The following PRDM16 variants were observed in gnomAD, a reference collection of about 807,000 sequenced individuals.
PRDM16 encodes PR/SET domain 16.
A neutral mutation model predicts 110.6 loss-of-function variants in PRDM16; 23 were observed. The observed-to-expected ratio is 0.21, with a 90% CI of 0.15 to 0.29. The LOEUF (loss-of-function observed/expected upper bound fraction) is 0.29, where lower values mean the gene tolerates loss of function less well. Ranked by LOEUF, PRDM16 falls within the 10% of genes least tolerant of loss-of-function variation. PRDM16 has a pLI of 1.00. For synonymous variants in PRDM16, 799 were observed against 781.8 expected (o/e 1.02, Z -0.37); for missense variants, 1,615 against 1,794.3 (o/e 0.90, Z 1.81).
chr1:3,278,000 C>T lies in PRDM16; in HGVS notation c.438+33863C>T, dbSNP rs74920324. On this transcript the variant is annotated intron_variant, in intron 3 of 16. Coordinates refer to ENST00000270722, the MANE Select transcript of PRDM16 (RefSeq NM_022114.4). ...CGATCATTGCTAGCAGGCCATGGGA[C>T]CCTCTCATCTGAAAAGGAGGGAGGG... Among the ~76,000 whole-genome samples the T allele has an allele frequency of 9.0e-3, 1,368 of 152,318 alleles. 22 individuals carry two copies. The highest frequency in any genetic ancestry group is 0.031 in the African/African-American group (1,297 of 41,582).
intron 4 of PRDM16, among the ~76,000 whole-genome samples, chr1:3,392,185 T>C (rs1203653690): frequency 6.6e-6 from 1 of 152,226 alleles, no homozygotes; most frequent in African/African-American, 2.4e-5. Context: ...TTTCAAAGAA[T>C]TCCGATTCCA....
chr1:3,178,510 C>T (rs187758921), intron 1 of PRDM16, among the ~76,000 whole-genome samples: 7 of 152,304 alleles, frequency 4.6e-5, no homozygotes, highest in Admixed American at 2.0e-4. Context: ...TGGAGGCTGC[C>T]GCTTGCTTTT....
chr1:3,392,020 G>C (rs879442729), intron 4 of PRDM16, among the ~76,000 whole-genome samples: 4 of 152,250 alleles, frequency 2.6e-5, no homozygotes, highest in Non-Finnish European at 5.9e-5. Flanking sequence ...GAGACAGCAA[G>C]GAGTTAAAAT....
At chr1:3,294,622 C>T (rs531407526) in intron 3 of PRDM16, among the ~76,000 whole-genome samples, 9 of 152,258 alleles carry the variant, frequency 5.9e-5, no homozygotes, top group Admixed American at 2.0e-4. Context: ...AACAGGATCC[C>T]GACGGATCCC....
At chr1:3,199,625 C>A (rs1638567646) in intron 2 of PRDM16, among the ~76,000 whole-genome samples, 1 of 152,190 alleles carries the variant, frequency 6.6e-6, no homozygotes, top group African/African-American at 2.4e-5. Context: ...AGCTGCCGGG[C>A]CCCCTCAAAG....
intron 3 of PRDM16, among the ~76,000 whole-genome samples, chr1:3,270,160 G>A (rs1224656874): frequency 2.0e-5 from 3 of 146,554 alleles, no homozygotes; most frequent in East Asian, 2.1e-4. Context: ...GAGGACAGTC[G>A]GGAGAATAGT....
At position 3,175,574 on chromosome 1, in the gene PRDM16, C is replaced by G. The variant is rs578232151; in HGVS notation, c.38-10551C>G. 6.6e-6 allele frequency among the ~76,000 whole-genome samples: 1 copy of G among 152,084 alleles called. No individual in the cohort carries two copies. The highest frequency in any genetic ancestry group is 1.9e-4 in the East Asian group (1 of 5,188). On this transcript the variant is annotated intron_variant, in intron 1 of 16. Coordinates refer to ENST00000270722, the MANE Select transcript of PRDM16 (RefSeq NM_022114.4). This position sits in a 1 kb window ranked among gnomAD's most constrained non-coding sequence, Gnocchi z 4.8. ...ACACAGCACTCCTCCCTGCTTGGTT[C>G]TGAGAAGGAAAAGAGGAGCCAGAGG...
chr1:3,385,038 C>A, intron 3 of PRDM16, 114 bp from the exon 4 acceptor site: 1 of 1,348,076 alleles, frequency 7.4e-7, no homozygotes, highest in South Asian at 1.3e-5. Flanking sequence ...GTCTGGACGC[C>A]GACTTGCCTT....
intron 2 of PRDM16, among the ~76,000 whole-genome samples, chr1:3,234,141 G>C (rs1639485603): frequency 6.6e-6 from 1 of 152,182 alleles, no homozygotes. Context: ...TGGAACCCGG[G>C]CATGGGACTG....
chr1:3,356,509 G>A (rs1642605924), intron 3 of PRDM16, among the ~76,000 whole-genome samples: 1 of 152,216 alleles, frequency 6.6e-6, no homozygotes, highest in Non-Finnish European at 1.5e-5. Flanking sequence ...GGTCAGAGGA[G>A]GCTGCCCCCA....
intron 3 of PRDM16, among the ~76,000 whole-genome samples, chr1:3,377,964 G>A (rs1028673950): frequency 6.6e-6 from 1 of 152,166 alleles, no homozygotes; most frequent in Non-Finnish European, 1.5e-5. Context: ...ACTCCCAGAG[G>A]GCCTTGGAGG....
At chr1:3,329,250 C>T (rs78198450) in intron 3 of PRDM16, among the ~76,000 whole-genome samples, 3,905 of 152,328 alleles carry the variant, frequency 0.026, 165 homozygotes, top group African/African-American at 0.089. Context: ...GGTGGCGTTC[C>T]AGATGGTGCT....
intron 3 of PRDM16, among the ~76,000 whole-genome samples, chr1:3,355,852 T>C (rs990658994): frequency 6.6e-5 from 10 of 152,188 alleles, no homozygotes. Flanking sequence ...GCCCAGCCTG[T>C]GTGTCTGTGA....
rs952193003 is a variant in PRDM16, at chr1:3,255,455, C to T, written c.438+11318C>T. On this transcript the variant is annotated intron_variant, in intron 3 of 16. Coordinates refer to ENST00000270722, the MANE Select transcript of PRDM16 (RefSeq NM_022114.4). This position sits in a 1 kb window ranked among gnomAD's most constrained non-coding sequence, Gnocchi z 4.7. The stretch of plus-strand genomic sequence containing the variant: ...GAGCCCAGCCCATGATGGCACTGAG[C>T]TGTCAACACAGTTGGGCTCAGAGAG... Among the ~76,000 whole-genome samples the T allele has an allele frequency of 6.6e-6, 1 of 152,120 alleles. No homozygotes were observed. Among genetic ancestry groups the T allele is most frequent in the African/African-American group, 2.4e-5 (1 of 41,432 alleles).
intron 3 of PRDM16, among the ~76,000 whole-genome samples, chr1:3,340,760 T>G (rs562341974): frequency 2.0e-4 from 31 of 152,340 alleles, no homozygotes; most frequent in African/African-American, 7.0e-4. Flanking sequence ...GCCATCTAGA[T>G]GAACAACGGC....
At chr1:3,183,906 G>A (rs928473143) in intron 1 of PRDM16, among the ~76,000 whole-genome samples, 5 of 152,304 alleles carry the variant, frequency 3.3e-5, no homozygotes, top group African/African-American at 9.6e-5. Flanking sequence ...GTTAAGGAGC[G>A]CGTCGAGGGG....
At chr1:3,182,232 G>T (rs1569788404) in intron 1 of PRDM16, among the ~76,000 whole-genome samples, 1 of 152,240 alleles carries the variant, frequency 6.6e-6, no homozygotes, top group East Asian at 1.9e-4. Flanking sequence ...CTCTGGCCAA[G>T]AATCTAGGCT....
Position 3,282,628 on chromosome 1 carries a change from C to T in PRDM16, c.438+38491C>T, listed in dbSNP as rs188656916. Among the ~76,000 whole-genome samples, 213 of 152,324 alleles carry T rather than the reference C, an allele frequency of 1.4e-3. 1 individual carries two copies. Among genetic ancestry groups the T allele is most frequent in the African/African-American group, 4.8e-3 (199 of 41,576 alleles). ...TATTGCCAAGGTCACTGAAGCCTTC[C>T]TGGTCTTGGTGTCTGGAAAAAACTC... is the stretch of plus-strand genomic sequence containing the variant. On this transcript the variant is annotated intron_variant, in intron 3 of 16. Coordinates refer to ENST00000270722, the MANE Select transcript of PRDM16 (RefSeq NM_022114.4).
At chr1:3,248,421 C>T (rs992332352) in intron 3 of PRDM16, among the ~76,000 whole-genome samples, 1 of 152,152 alleles carries the variant, frequency 6.6e-6, no homozygotes, top group Admixed American at 6.5e-5. Flanking sequence ...ATTTTCTCTT[C>T]CCCTCCGCTT....
Sources: gnomAD v4.1 joint callset for allele counts (sites outside exome capture counted in the v4.1 genomes callset) on GRCh38, gnomAD v4.1.1 for gene constraint, Gnocchi (gnomAD v3.1) non-coding constraint, MANE v1.5 for transcripts, NCBI Gene and HGNC (gene_info 2026-07-23, HGNC 2026-07-21) for gene names.